CD3E: variants seen among roughly 807,000 people sequenced by gnomAD.
The protein encoded by CD3E is T-cell surface glycoprotein CD3 epsilon chain.
In CD3E, 16 loss-of-function variants were observed where a neutral mutation model predicts 34.7. The ratio of observed to expected loss-of-function variants is 0.46; its 90% confidence interval spans 0.31 to 0.70. CD3E has a LOEUF of 0.70. CD3E is among the 30% of genes least tolerant of loss of function. The pLI, the probability that CD3E is intolerant of heterozygous loss-of-function variation, is 0.05. For synonymous variants in CD3E, 70 were observed against 90.8 expected (o/e 0.77, Z 1.30); for missense variants, 223 against 253.9 (o/e 0.88, Z 0.83).
chr11:118,309,545 C>T (rs571339729), intron 4 of CD3E, among the ~76,000 whole-genome samples: 62 of 152,138 alleles, frequency 4.1e-4, no homozygotes, highest in Non-Finnish European at 5.6e-4. Flanking sequence ...CATTGCACTC[C>T]AGCCTGGGCG....
At chr11:118,313,217 C>A in intron 6 of CD3E, 2 of 372,514 alleles carry the variant, frequency 5.4e-6, no homozygotes, top group Non-Finnish European at 1.0e-5. Flanking sequence ...GAAAGGTTTG[C>A]AAAAAACACT....
At chr11:118,310,302 A>C (rs549654540) in intron 4 of CD3E, among the ~76,000 whole-genome samples, 1 of 152,256 alleles carries the variant, frequency 6.6e-6, no homozygotes, top group East Asian at 1.9e-4. Context: ...GAGAGGTCCC[A>C]GTGTGTGTCA....
chr11:118,308,940 G>A (rs958674613), intron 4 of CD3E, among the ~76,000 whole-genome samples: 2 of 152,320 alleles, frequency 1.3e-5, no homozygotes, highest in African/African-American at 4.8e-5. Context: ...GAGGGGAGTG[G>A]TCAACTCTAC....
intron 2 of CD3E, among the ~76,000 whole-genome samples, chr11:118,305,428 G>A (rs954899466): frequency 2.0e-5 from 3 of 152,170 alleles, no homozygotes; most frequent in African/African-American, 7.2e-5. Context: ...AAAACGCCTC[G>A]TAATTTTTAG....
In CD3E at chr11:118,315,794, C is replaced by T; in HGVS notation, c.*252C>T. 1 of 595,482 alleles carries T rather than the reference C, an allele frequency of 1.7e-6. No homozygotes were observed. Among genetic ancestry groups the T allele is most frequent in the East Asian group, 2.8e-5 (1 of 35,752 alleles). 36.9% of individuals were successfully genotyped at this position (595,482 alleles called of 1,614,324 possible). ...AGTCACACCCTCACAGCTGGCCTGC[C>T]CTCTTGCCAGGATATTTATTTGTGC... On this transcript the variant is annotated 3_prime_UTR_variant, in exon 9 of 9. Transcript: ENST00000361763.
At chr11:118,306,185 A>AG (rs1458107181) in intron 2 of CD3E, among the ~76,000 whole-genome samples, 1 of 151,660 alleles carries the variant, frequency 6.6e-6, no homozygotes, top group Non-Finnish European at 1.5e-5. Flanking sequence ...CTTTTCCTTA[A>AG]AAAAAAGAAG....
chr11:118,304,844 T>C (rs201494505), intron 1 of CD3E, 50 bp from the exon 2 acceptor site: 3 of 922,000 alleles, frequency 3.3e-6, no homozygotes, highest in Non-Finnish European at 5.5e-6. Context: ...CCAGGGTCCT[T>C]ATCTCTAGCA....
At chr11:118,313,633 C>A in intron 6 of CD3E, 74 bp from the exon 7 acceptor site, 3 of 1,417,680 alleles carry the variant, frequency 2.1e-6, no homozygotes, top group Non-Finnish European at 3.0e-6. Context: ...CCTTCATGCA[C>A]TCCCTCCTCA....
At chr11:118,312,480 T>C in intron 5 of CD3E, 138 bp from the exon 6 acceptor site, 1 of 1,000,032 alleles carries the variant, frequency 1.0e-6, no homozygotes, top group Non-Finnish European at 1.6e-6. Flanking sequence ...CTCTAGCCAG[T>C]AGAGCTCCCT....
chr11:118,307,147 G>T, intron 2 of CD3E, 141 bp from the exon 3 acceptor site: 2 of 679,170 alleles, frequency 2.9e-6, no homozygotes, highest in East Asian at 2.6e-5. Flanking sequence ...CTAGGGTGTA[G>T]AAATGGCTGT....
At chr11:118,306,323 C>G (rs1239858882) in intron 2 of CD3E, among the ~76,000 whole-genome samples, 1 of 151,870 alleles carries the variant, frequency 6.6e-6, no homozygotes, top group African/African-American at 2.4e-5. Flanking sequence ...TAGTGAAACC[C>G]CATTTCTACA....
chr11:118,308,553 A>T (rs1316635753), intron 4 of CD3E, 112 bp downstream of exon 4: 3 of 757,824 alleles, frequency 4.0e-6, no homozygotes, highest in Non-Finnish European at 7.0e-6. Flanking sequence ...AAGGGAAAAT[A>T]CAAGTATCTT....
In CD3E at chr11:118,312,155, G is replaced by A. The variant is rs773135734; in HGVS notation, c.88G>A (p.Gly30Ser). ...CTGTTTCCTTTTTTCATTTTCAGGT[G>A]GTATTACACAGACACGTGAGTTTAT... The part of the protein sequence containing the change: ...WGQDGNEEMG[G>S]ITQTPYKVSI... The change falls in exon 5 of 9, where the codon GGT (glycine) becomes AGT (serine). Residue 30 changes from glycine to serine, a missense_variant and splice_region_variant. Physicochemically the swap from Gly to Ser is moderately conservative, Grantham distance 56 (BLOSUM62 0). Transcript: ENST00000361763. 42 of 1,611,528 alleles carry A rather than the reference G, an allele frequency of 2.6e-5. No homozygotes were observed. In the African/African-American group the frequency reaches 5.3e-4, roughly 21 times the overall value.
At chr11:118,306,486 G>GATAGATAAATAA (rs1403797807) in intron 2 of CD3E, among the ~76,000 whole-genome samples, 18 of 145,396 alleles carry the variant, frequency 1.2e-4, no homozygotes, top group African/African-American at 4.7e-4. Flanking sequence ...TCTCAAAATA[G>GATAGATAAATAA]ATAAATAAAT....
At chr11:118,309,239 T>A (rs1285152289) in intron 4 of CD3E, among the ~76,000 whole-genome samples, 3 of 152,172 alleles carry the variant, frequency 2.0e-5, no homozygotes, top group African/African-American at 7.2e-5. Context: ...GAGGACCAAA[T>A]GAGTAATTCA....
chr11:118,314,624 C>A, intron 8 of CD3E, 130 bp downstream of exon 8: 4 of 777,792 alleles, frequency 5.1e-6, no homozygotes, highest in Admixed American at 2.0e-5. Context: ...CCATTACAAC[C>A]CTCTATGTGC....
chr11:118,306,301 G>A (rs1948104811), intron 2 of CD3E, among the ~76,000 whole-genome samples: 1 of 152,016 alleles, frequency 6.6e-6, no homozygotes. Context: ...TTCAAGACCA[G>A]CCTGGGCAAA....
At chr11:118,313,100 G>C (rs2134767173) in intron 6 of CD3E, 4 of 570,332 alleles carry the variant, frequency 7.0e-6, no homozygotes, top group South Asian at 5.5e-5. Flanking sequence ...ATCTAAAATA[G>C]CAACTCCCTA....
intron 2 of CD3E, among the ~76,000 whole-genome samples, chr11:118,306,847 GA>G (rs1948109519): frequency 6.6e-6 from 1 of 152,120 alleles, no homozygotes; most frequent in Non-Finnish European, 1.5e-5. Context: ...AAAACAAATG[GA>G]AAAACTGAAC....
Sources: gnomAD v4.1 joint callset for allele counts (sites outside exome capture counted in the v4.1 genomes callset) on GRCh38, gnomAD v4.1.1 for gene constraint, MANE v1.5 for transcripts, NCBI Gene and HGNC (gene_info 2026-07-23, HGNC 2026-07-21) for gene names.